The following USP32 variants were observed in gnomAD, a reference collection of about 807,000 sequenced individuals.
USP32 encodes the protein ubiquitin carboxyl-terminal hydrolase 32.
In USP32, 59 loss-of-function variants were observed where a neutral mutation model predicts 204.8. The observed-to-expected ratio is 0.29, with a 90% CI of 0.23 to 0.36. USP32 has a LOEUF of 0.36. USP32 is among the 10% of genes least tolerant of loss of function. The probability of loss-of-function intolerance (pLI) is 1.00; values close to 1 mark genes in which losing one functional copy is unlikely to be tolerated. For synonymous variants in USP32, 517 were observed against 678.4 expected (o/e 0.76, Z 3.70); for missense variants, 1,160 against 1,946.4 (o/e 0.60, Z 7.60).
At chr17:60,421,261 C>A in intron 1 of USP32, 5 of 699,688 alleles carry the variant, frequency 7.1e-6, no homozygotes, top group Non-Finnish European at 8.8e-6. Context: ...ACAACAACGA[C>A]AACAATAACA....
intron 33 of USP32, 23 bp downstream of exon 33, chr17:60,180,522 A>G: frequency 1.2e-6 from 2 of 1,610,240 alleles, no homozygotes; most frequent in Non-Finnish European, 1.7e-6. Context: ...TCTAACTTTC[A>G]TTCAAAGACT....
At chr17:60,408,687 C>T (rs1214303610) in intron 1 of USP32, among the ~76,000 whole-genome samples, 1 of 152,048 alleles carries the variant, frequency 6.6e-6, no homozygotes, top group Non-Finnish European at 1.5e-5. Context: ...CAATCTGGCT[C>T]AACTTTTATA....
chr17:60,298,168 A>G (rs907829856), intron 3 of USP32, among the ~76,000 whole-genome samples: 3 of 152,226 alleles, frequency 2.0e-5, no homozygotes, highest in African/African-American at 7.2e-5. Context: ...CATGGGACAC[A>G]TATAACAGTA....
chr17:60,225,379 G>A (rs912368264), intron 13 of USP32, among the ~76,000 whole-genome samples: 2 of 151,956 alleles, frequency 1.3e-5, no homozygotes, highest in African/African-American at 2.4e-5. Context: ...ATTGCTTGGG[G>A]CCAGGAGGCA....
intron 10 of USP32, among the ~76,000 whole-genome samples, chr17:60,253,590 A>G (rs2086221491): frequency 6.6e-6 from 1 of 151,868 alleles, no homozygotes; most frequent in Non-Finnish European, 1.5e-5. Context: ...ACATGGTGAA[A>G]CCTCGTCTCT....
At chr17:60,292,562 T>C (rs1252241933) in intron 4 of USP32, among the ~76,000 whole-genome samples, 1 of 152,150 alleles carries the variant, frequency 6.6e-6, no homozygotes, top group Non-Finnish European at 1.5e-5. Context: ...ACATAGTCCA[T>C]AATCAATACG....
At chr17:60,223,320 C>A in intron 14 of USP32, 91 bp downstream of exon 14, 1 of 1,024,416 alleles carries the variant, frequency 9.8e-7, no homozygotes. Context: ...AATGAACCAT[C>A]AATGTTTTGC....
intron 1 of USP32, among the ~76,000 whole-genome samples, chr17:60,356,087 G>C (rs1269036965): frequency 6.6e-6 from 1 of 152,038 alleles, no homozygotes; most frequent in Non-Finnish European, 1.5e-5. Flanking sequence ...TGACCTATCT[G>C]GTAGCTCATT....
At position 60,198,455 on chromosome 17, in the gene USP32, A is replaced by C. The variant is rs780600089; in HGVS notation, c.3250-11T>G. The C allele has an allele frequency of 2.6e-5, 42 of 1,613,146 alleles. 1 individual carries two copies. In the South Asian group the frequency reaches 4.3e-4, roughly 17 times the overall value. On this transcript the variant is annotated splice_polypyrimidine_tract_variant and intron_variant, in intron 26 of 33. Coordinates refer to ENST00000300896, the MANE Select transcript of USP32 (RefSeq NM_032582.4). ...CAGTTCTGTCCTCATCTGTATGTAC[A>C]AACAAGAGAATAGAGAGTTCAGAAG...
chr17:60,180,947 A>C (rs1263045328), intron 32 of USP32, among the ~76,000 whole-genome samples: 1 of 151,938 alleles, frequency 6.6e-6, no homozygotes, highest in Non-Finnish European at 1.5e-5. Context: ...CAGTCGAGTG[A>C]TCACAACTCT....
upstream of USP32, chr17:60,392,472 T>G (rs972562144): frequency 1.3e-5 from 3 of 230,736 alleles, no homozygotes; most frequent in Non-Finnish European, 2.7e-5. Flanking sequence ...CCGGGGCGCT[T>G]GAGGACGACC....
intron 5 of USP32, among the ~76,000 whole-genome samples, chr17:60,272,269 A>G (rs911524519): frequency 6.6e-6 from 1 of 152,230 alleles, no homozygotes; most frequent in Non-Finnish European, 1.5e-5. Flanking sequence ...TATTGAATAA[A>G]TGAAAAAAGT....
At chr17:60,317,406 C>T (rs2088007694) in intron 2 of USP32, among the ~76,000 whole-genome samples, 1 of 150,540 alleles carries the variant, frequency 6.6e-6, no homozygotes, top group Non-Finnish European at 1.5e-5. Context: ...GTACCAGCGA[C>T]TCGGGAGGCT....
intron 16 of USP32, among the ~76,000 whole-genome samples, chr17:60,218,292 G>A (rs2085156149): frequency 6.6e-6 from 1 of 152,210 alleles, no homozygotes; most frequent in South Asian, 2.1e-4. Context: ...GCTGAGGCAG[G>A]AGAATGGTGT....
At chr17:60,367,616 T>A (rs112641290) in intron 1 of USP32, among the ~76,000 whole-genome samples, 3,195 of 152,302 alleles carry the variant, frequency 0.021, 133 homozygotes, top group African/African-American at 0.073. Context: ...AAGACCAGCT[T>A]GGCCACCATG....
chr17:60,342,212 G>C (rs556173832), intron 2 of USP32, among the ~76,000 whole-genome samples: 65 of 152,288 alleles, frequency 4.3e-4, no homozygotes, highest in African/African-American at 1.5e-3. Flanking sequence ...TCAAGACCTT[G>C]TTTGCCTGGG....
At chr17:60,249,449 C>T (rs1016452949) in intron 11 of USP32, 2 of 381,406 alleles carry the variant, frequency 5.2e-6, no homozygotes, top group Admixed American at 4.7e-5. Context: ...TTTGACTGGT[C>T]TGTTGTTAGT....
chr17:60,342,317 C>A (rs1351039889), intron 2 of USP32, among the ~76,000 whole-genome samples: 3 of 152,214 alleles, frequency 2.0e-5, no homozygotes, highest in Admixed American at 6.5e-5. Context: ...AAAGGGGCAC[C>A]TGCCTATATG....
intron 12 of USP32, among the ~76,000 whole-genome samples, chr17:60,233,454 T>C (rs982095802): frequency 1.3e-5 from 2 of 152,154 alleles, no homozygotes; most frequent in African/African-American, 4.8e-5. Flanking sequence ...AGGAAGATCC[T>C]GTCTCAACAA....
Sources: gnomAD v4.1 joint callset for allele counts (sites outside exome capture counted in the v4.1 genomes callset) on GRCh38, gnomAD v4.1.1 for gene constraint, MANE v1.5 for transcripts, NCBI Gene and HGNC (gene_info 2026-07-23, HGNC 2026-07-21) for gene names.